Variants in EML6 observed in about 807,000 individuals in gnomAD.
The protein encoded by EML6 is EMAP like 6.
EML6 carries 154 observed loss-of-function variants against 240.1 expected under a neutral mutation model. The observed-to-expected ratio is 0.64, with a 90% CI of 0.56 to 0.73. The LOEUF (loss-of-function observed/expected upper bound fraction) is 0.73, where lower values mean the gene tolerates loss of function less well. Among genes scored for constraint, EML6 ranks in the 30% least tolerant of loss-of-function variants. The pLI is 0.00. For missense variants in EML6, 2,964 were observed against 2,474.6 expected, an observed-to-expected ratio of 1.20 and a Z score of -4.20; for synonymous variants, 1,148 against 899.0, an observed-to-expected ratio of 1.28 and a Z score of -4.95.
chr2:54,797,206 C>G (rs925436734), intron 2 of EML6, among the ~76,000 whole-genome samples: 2 of 127,356 alleles, frequency 1.6e-5, no homozygotes, highest in African/African-American at 2.8e-5. Context: ...TCTTGTAGGT[C>G]TAAGGTTGAG....
chr2:54,791,767 C>A (rs1435462472), intron 2 of EML6, among the ~76,000 whole-genome samples: 4 of 152,100 alleles, frequency 2.6e-5, no homozygotes, highest in African/African-American at 9.7e-5. Context: ...TACCGTTTGC[C>A]CTCCGCTTGT....
intron 5 of EML6, among the ~76,000 whole-genome samples, chr2:54,822,447 A>G (rs1277716299): frequency 6.6e-6 from 1 of 152,196 alleles, no homozygotes; most frequent in Non-Finnish European, 1.5e-5. Context: ...TGAGTAACTT[A>G]TCAATAGCAA....
At chr2:54,899,181 A>G (rs1045221276) in intron 21 of EML6, among the ~76,000 whole-genome samples, 6 of 152,208 alleles carry the variant, frequency 3.9e-5, no homozygotes, top group African/African-American at 1.4e-4. Context: ...TTGCTCTTCA[A>G]TTTCACTGAC....
intron 24 of EML6, among the ~76,000 whole-genome samples, chr2:54,906,752 C>G (rs1673347331): frequency 6.6e-6 from 1 of 152,196 alleles, no homozygotes; most frequent in Non-Finnish European, 1.5e-5. Context: ...AGCCATGAGA[C>G]ATGTGTCATC....
intron 31 of EML6, among the ~76,000 whole-genome samples, 166 bp from the exon 32 acceptor site, chr2:54,953,817 G>A (rs949456344): frequency 2.6e-5 from 4 of 151,556 alleles, no homozygotes; most frequent in Non-Finnish European, 2.9e-5. Context: ...AACCCAGGAC[G>A]TGGAGGTTGC....
At chr2:54,749,278 T>C (rs1558523882) in intron 2 of EML6, among the ~76,000 whole-genome samples, 1 of 152,208 alleles carries the variant, frequency 6.6e-6, no homozygotes, top group Non-Finnish European at 1.5e-5. Flanking sequence ...TTTGGTCTCT[T>C]TCATGGTAAA....
intron 2 of EML6, among the ~76,000 whole-genome samples, chr2:54,807,107 ATTTT>A (rs200235255): frequency 2.0e-5 from 3 of 150,496 alleles, no homozygotes; most frequent in African/African-American, 7.3e-5. Context: ...GCTTTTATTG[ATTTT>A]TTTTTTCCTC....
intron 16 of EML6, among the ~76,000 whole-genome samples, chr2:54,877,099 C>G (rs949497772): frequency 2.0e-5 from 3 of 151,980 alleles, no homozygotes; most frequent in African/African-American, 7.3e-5. Context: ...CCTCCCAACT[C>G]AGCCTCCCAA....
chr2:54,934,233 T>C (rs368300199), intron 28 of EML6, among the ~76,000 whole-genome samples: 1 of 152,196 alleles, frequency 6.6e-6, no homozygotes, highest in Non-Finnish European at 1.5e-5. Context: ...TAATACTCTC[T>C]TAAAAGTACA....
At chr2:54,770,942 T>C (rs1668377639) in intron 2 of EML6, among the ~76,000 whole-genome samples, 2 of 152,104 alleles carry the variant, frequency 1.3e-5, no homozygotes, top group East Asian at 1.9e-4. Flanking sequence ...TGTTGGTGAA[T>C]GGTTGTACCA....
rs548293784 is a variant in EML6 at position 54,930,016 on chromosome 2, G to C, written c.4004+1265G>C. On this transcript the variant is annotated intron_variant, in intron 28 of 41. Transcript: ENST00000356458. The stretch of plus-strand genomic sequence containing the variant: ...GGAAAAAAGAACCATATGCACAGAA[G>C]TGCATGAATAGGCCTCCCACTTAAA... Among the ~76,000 whole-genome samples, 3 of 152,154 alleles carry C rather than the reference G, an allele frequency of 2.0e-5. No individual in the cohort carries two copies. In the South Asian group the frequency reaches 6.2e-4, roughly 32 times the overall value.
At chr2:54,958,742 G>T (rs938245523) in intron 33 of EML6, among the ~76,000 whole-genome samples, 1 of 152,154 alleles carries the variant, frequency 6.6e-6, no homozygotes, top group Admixed American at 6.5e-5. Flanking sequence ...TCCAGGAGTG[G>T]GTTTCTCCCT....
chr2:54,919,769 T>C (rs1674124018), intron 26 of EML6, among the ~76,000 whole-genome samples: 1 of 152,214 alleles, frequency 6.6e-6, no homozygotes, highest in African/African-American at 2.4e-5. Context: ...TTCCCCTACC[T>C]GACAAGGTGG....
At chr2:54,954,410 C>T (rs961293456) in intron 32 of EML6, among the ~76,000 whole-genome samples, 2 of 152,130 alleles carry the variant, frequency 1.3e-5, no homozygotes, top group Non-Finnish European at 2.9e-5. Flanking sequence ...TGAGGAGGTT[C>T]CCCGATGTTG....
At chr2:54,919,399 T>C (rs1674106127) in intron 26 of EML6, among the ~76,000 whole-genome samples, 1 of 152,218 alleles carries the variant, frequency 6.6e-6, no homozygotes, top group African/African-American at 2.4e-5. Context: ...GTTACCTCTA[T>C]GGCCACTTTG....
chr2:54,823,868 C>CTCTCTCTCTCTCTCTCTCTT lies in EML6; in HGVS notation c.525+3415_525+3416insCTCTCTCTCTTTCTCTCTCT, dbSNP rs1376831009. ...TCATTCATTCTCTCTCTCTCTCTCT[C>CTCTCTCTCTCTCTCTCTCTT]TCTCTCTCTTTCTGTCTCTCTCTCT... On this transcript the variant is annotated intron_variant, in intron 5 of 41. Transcript: ENST00000356458. 2.7e-4 allele frequency among the ~76,000 whole-genome samples: 40 copies of CTCTCTCTCTCTCTCTCTCTT among 148,238 alleles called. 1 individual carries two copies. The highest frequency in any genetic ancestry group is 9.8e-4 in the African/African-American group (38 of 38,734).
intron 2 of EML6, among the ~76,000 whole-genome samples, chr2:54,729,789 C>G (rs1401929447): frequency 6.6e-6 from 1 of 152,154 alleles, no homozygotes; most frequent in Non-Finnish European, 1.5e-5. Flanking sequence ...TTGATTTATT[C>G]AAGAATATTT....
chr2:54,768,301 C>G (rs1422644222), intron 2 of EML6, among the ~76,000 whole-genome samples: 1 of 152,092 alleles, frequency 6.6e-6, no homozygotes, highest in African/African-American at 2.4e-5. Context: ...GTCAGAGAAT[C>G]AAACTGACTT....
intron 28 of EML6, among the ~76,000 whole-genome samples, 165 bp downstream of exon 28, chr2:54,928,916 C>G (rs1021360851): frequency 6.6e-6 from 1 of 152,188 alleles, no homozygotes; most frequent in Non-Finnish European, 1.5e-5. Flanking sequence ...GAAAAAATTG[C>G]ACAACATCCC....
Sources: gnomAD v4.1 joint callset for allele counts (sites outside exome capture counted in the v4.1 genomes callset) on GRCh38, gnomAD v4.1.1 for gene constraint, MANE v1.5 for transcripts, NCBI Gene and HGNC (gene_info 2026-07-23, HGNC 2026-07-21) for gene names.